The following SGCZ variants were observed in gnomAD, a reference collection of about 807,000 sequenced individuals.
The protein encoded by SGCZ is sarcoglycan zeta.
A neutral mutation model predicts 41.3 loss-of-function variants in SGCZ; 40 were observed. The observed-to-expected ratio is 0.97, with a 90% confidence interval of 0.75 to 1.26. The LOEUF is 1.26. Ranked by LOEUF, SGCZ falls within the 50% of genes most tolerant of loss-of-function variation. The pLI is 0.00. For missense variants in SGCZ, 552 were observed against 369.8 expected, an observed-to-expected ratio of 1.49 and a Z score of -4.04; for synonymous variants, 206 against 137.5, an observed-to-expected ratio of 1.50 and a Z score of -3.49.
intron 1 of SGCZ, among the ~76,000 whole-genome samples, chr8:15,065,667 G>T (rs1805112259): frequency 6.6e-6 from 1 of 151,848 alleles, no homozygotes; most frequent in African/African-American, 2.4e-5. Flanking sequence ...TCAAACTCAT[G>T]AGCTCAAGCA....
chr8:14,608,260 C>CTTT (rs35064962), intron 1 of SGCZ, among the ~76,000 whole-genome samples: 1,860 of 148,062 alleles, frequency 0.013, 14 homozygotes, highest in Middle Eastern at 0.021. Flanking sequence ...TTATTTGAGG[C>CTTT]TTTTTTTTTT....
intron 1 of SGCZ, among the ~76,000 whole-genome samples, chr8:14,622,925 C>T (rs1025177285): frequency 1.3e-5 from 2 of 152,090 alleles, no homozygotes; most frequent in African/African-American, 4.8e-5. Flanking sequence ...CCCTAAAGCT[C>T]CTCCTTTGTT....
intron 1 of SGCZ, among the ~76,000 whole-genome samples, chr8:14,578,114 G>A (rs1357788065): frequency 1.3e-5 from 2 of 152,188 alleles, no homozygotes; most frequent in Non-Finnish European, 2.9e-5. Context: ...AAAGTTGGGT[G>A]AAGGCAGAGG....
chr8:14,754,168 G>C (rs964931204), intron 1 of SGCZ, among the ~76,000 whole-genome samples: 1 of 152,134 alleles, frequency 6.6e-6, no homozygotes, highest in East Asian at 1.9e-4. Flanking sequence ...CAAAAAAGAA[G>C]AGTAATGGAG....
At chr8:14,878,860 G>A (rs754986525) in intron 1 of SGCZ, among the ~76,000 whole-genome samples, 1 of 152,190 alleles carries the variant, frequency 6.6e-6, no homozygotes, top group Non-Finnish European at 1.5e-5. Context: ...CAGATGGACA[G>A]TGAATGTGAA....
intron 1 of SGCZ, among the ~76,000 whole-genome samples, chr8:14,708,434 C>CT (rs528670376): frequency 1.6e-3 from 230 of 145,128 alleles, no homozygotes; most frequent in Non-Finnish European, 2.3e-3. Context: ...CATATGTTCT[C>CT]TTTTTTTTTT....
At chr8:14,981,857 G>T (rs1029718994) in intron 1 of SGCZ, among the ~76,000 whole-genome samples, 3 of 152,062 alleles carry the variant, frequency 2.0e-5, no homozygotes, top group African/African-American at 7.2e-5. Flanking sequence ...TTTCAAAAGG[G>T]AATGACATTA....
chr8:14,654,412 C>T (rs1444752868), intron 1 of SGCZ, among the ~76,000 whole-genome samples: 1 of 151,896 alleles, frequency 6.6e-6, no homozygotes, highest in Non-Finnish European at 1.5e-5. Context: ...AAAATAATAA[C>T]AAAAATAATA....
chr8:14,441,271 T>G (rs571065276), intron 2 of SGCZ, among the ~76,000 whole-genome samples: 1 of 152,318 alleles, frequency 6.6e-6, no homozygotes, highest in African/African-American at 2.4e-5. Flanking sequence ...AGGTGCTGTC[T>G]CCTTCATTTA....
chr8:14,884,052 A>T (rs1804697429), intron 1 of SGCZ, among the ~76,000 whole-genome samples: 1 of 152,134 alleles, frequency 6.6e-6, no homozygotes, highest in African/African-American at 2.4e-5. Context: ...CTTAAATTTC[A>T]CATGTGGAGT....
chr8:14,913,970 T>C (rs1799353560), intron 1 of SGCZ, among the ~76,000 whole-genome samples: 1 of 151,764 alleles, frequency 6.6e-6, no homozygotes, highest in Admixed American at 6.6e-5. Context: ...GAATCAAGTT[T>C]GTAGCATAAT....
chr8:14,991,602 T>C (rs374433354), intron 1 of SGCZ, among the ~76,000 whole-genome samples: 84 of 152,280 alleles, frequency 5.5e-4, no homozygotes, highest in African/African-American at 1.9e-3. Context: ...CTCACAAGTT[T>C]CTACTCCCCA....
intron 1 of SGCZ, among the ~76,000 whole-genome samples, chr8:15,102,697 T>C (rs1025652113): frequency 9.9e-5 from 15 of 152,174 alleles, no homozygotes; most frequent in African/African-American, 2.9e-4. Context: ...AAATATTCTA[T>C]TGTAAAAAAA....
chr8:14,293,141 G>C (rs28439931), intron 3 of SGCZ, among the ~76,000 whole-genome samples: 7,479 of 151,728 alleles, frequency 0.049, 200 homozygotes, highest in Middle Eastern at 0.11. Flanking sequence ...TGGAGTCTAA[G>C]GAAAGACATT....
intron 2 of SGCZ, among the ~76,000 whole-genome samples, chr8:14,396,580 G>C (rs960060062): frequency 6.6e-6 from 1 of 151,652 alleles, no homozygotes; most frequent in African/African-American, 2.4e-5. Flanking sequence ...CGGTGCTAGG[G>C]ATATAATGGA....
intron 1 of SGCZ, among the ~76,000 whole-genome samples, chr8:14,638,035 T>C (rs1025866613): frequency 6.6e-6 from 1 of 151,852 alleles, no homozygotes; most frequent in African/African-American, 2.4e-5. Flanking sequence ...TATATTTCAT[T>C]GTAGTTTGAT....
chr8:14,358,747 A>C (rs1173993119), intron 2 of SGCZ, among the ~76,000 whole-genome samples: 2 of 151,936 alleles, frequency 1.3e-5, no homozygotes, highest in Non-Finnish European at 2.9e-5. Context: ...AGTAGCTGGG[A>C]TTACAGGCAT....
intron 4 of SGCZ, among the ~76,000 whole-genome samples, chr8:14,171,416 T>C (rs1441678175): frequency 6.6e-6 from 1 of 152,034 alleles, no homozygotes. Flanking sequence ...CTCTAAACTA[T>C]ATGTAACATA....
chr8:14,997,625 C>T (rs1023153837), intron 1 of SGCZ, among the ~76,000 whole-genome samples: 8 of 152,212 alleles, frequency 5.3e-5, no homozygotes, highest in Admixed American at 4.6e-4. Flanking sequence ...TTCTGCACCA[C>T]TAAAAAGTAA....
Sources: gnomAD v4.1 joint callset for allele counts (sites outside exome capture counted in the v4.1 genomes callset) on GRCh38, gnomAD v4.1.1 for gene constraint, MANE v1.5 for transcripts, NCBI Gene and HGNC (gene_info 2026-07-23, HGNC 2026-07-21) for gene names.